The following OSBP2 variants were observed in gnomAD, a reference collection of about 807,000 sequenced individuals.
OSBP2 encodes the protein oxysterol-binding protein 2.
In OSBP2, 66 loss-of-function variants were observed where a neutral mutation model predicts 96.0. The observed-to-expected ratio is 0.69, with a 90% CI of 0.56 to 0.84. The LOEUF is 0.84. Among genes scored for constraint, OSBP2 ranks in the 40% least tolerant of loss-of-function variants. OSBP2 has a pLI of 0.00. For synonymous variants in OSBP2, 525 were observed against 520.9 expected, an observed-to-expected ratio of 1.01 and a Z score of -0.11; for missense variants, 1,038 against 1,222.7, an observed-to-expected ratio of 0.85 and a Z score of 2.25.
intron 1 of OSBP2, among the ~76,000 whole-genome samples, chr22:30,729,412 A>T (rs571727472): frequency 1.3e-5 from 2 of 152,246 alleles, no homozygotes; most frequent in East Asian, 3.9e-4. Context: ...CCAAGGTGGG[A>T]GGATCACCTG....
intron 2 of OSBP2, chr22:30,764,447 G>A (rs1463260628): frequency 7.3e-6 from 7 of 959,454 alleles, no homozygotes; most frequent in Non-Finnish European, 8.7e-6. Context: ...CCACTGAGGT[G>A]GAAATAAATT....
At chr22:30,707,510 C>G (rs1357278656) in intron 1 of OSBP2, among the ~76,000 whole-genome samples, 1 of 151,548 alleles carries the variant, frequency 6.6e-6, no homozygotes, top group Non-Finnish European at 1.5e-5. Flanking sequence ...GTCAGAAGAT[C>G]GAGACCATCC....
intron 1 of OSBP2, among the ~76,000 whole-genome samples, chr22:30,700,697 G>A (rs1266098856): frequency 2.0e-5 from 3 of 151,780 alleles, no homozygotes; most frequent in Non-Finnish European, 4.4e-5. Context: ...ACTGATCTCT[G>A]CTTAGTAAAT....
chr22:30,735,740 CAG>C (rs1274697834), intron 1 of OSBP2, among the ~76,000 whole-genome samples: 3 of 151,808 alleles, frequency 2.0e-5, no homozygotes, highest in Admixed American at 6.6e-5. Context: ...CTTTTAGAGA[CAG>C]AGTCTCATCT....
chr22:30,728,669 T>C (rs534489053), intron 1 of OSBP2, among the ~76,000 whole-genome samples: 3 of 152,178 alleles, frequency 2.0e-5, no homozygotes, highest in Admixed American at 2.0e-4. Flanking sequence ...GCTAACTTTT[T>C]CTTATTTTTA....
chr22:30,873,273 T>G (rs561130491), intron 3 of OSBP2, among the ~76,000 whole-genome samples: 1 of 152,250 alleles, frequency 6.6e-6, no homozygotes, highest in East Asian at 1.9e-4. Context: ...GTGACCTCCT[T>G]GGAGGGTTGC....
chr22:30,789,431 G>T (rs2090642388), intron 2 of OSBP2, among the ~76,000 whole-genome samples: 2 of 152,138 alleles, frequency 1.3e-5, no homozygotes, highest in African/African-American at 4.8e-5. Context: ...GTGGGCTCCG[G>T]TCTGCTTTCT....
At chr22:30,798,226 A>G (rs181608108) in intron 2 of OSBP2, among the ~76,000 whole-genome samples, 124 of 152,260 alleles carry the variant, frequency 8.1e-4, no homozygotes, top group African/African-American at 2.7e-3. Flanking sequence ...CCATTTGTGT[A>G]TCTTCTTTGG....
In OSBP2 at chr22:30,893,073, C is replaced by A. The variant is rs768323237; in HGVS notation, c.1870-49C>A. 8.1e-6 allele frequency: 13 copies of A among 1,604,196 alleles called. No individual in the cohort carries two copies. The East Asian group carries it at 2.9e-4, about 36-fold the overall frequency. ...CCCTCCCTGGCTGGGGCAAGTGGAA[C>A]CTGGGCTCATGTCTGGCAGATGCTC... is the stretch of plus-strand genomic sequence containing the variant. On this transcript the variant is annotated intron_variant, in intron 8 of 13. Transcript: ENST00000332585.
intron 2 of OSBP2, among the ~76,000 whole-genome samples, chr22:30,808,001 G>A (rs913715159): frequency 6.6e-6 from 1 of 151,944 alleles, no homozygotes; most frequent in Non-Finnish European, 1.5e-5. Flanking sequence ...TGTTGCCTAG[G>A]CTGGTCTGGA....
At chr22:30,796,104 C>G (rs1413519637) in intron 2 of OSBP2, among the ~76,000 whole-genome samples, 2 of 152,188 alleles carry the variant, frequency 1.3e-5, no homozygotes, top group African/African-American at 2.4e-5. Flanking sequence ...AGTATTTTCT[C>G]TGATTGCCCT....
chr22:30,893,041 A>C, intron 8 of OSBP2, 81 bp from the exon 9 acceptor site: 1 of 1,547,068 alleles, frequency 6.5e-7, no homozygotes, highest in Non-Finnish European at 8.8e-7. Flanking sequence ...GAGGCAGGGC[A>C]AGCTGTCCCT....
chr22:30,701,564 C>T (rs1330693399), intron 1 of OSBP2, among the ~76,000 whole-genome samples: 7 of 152,134 alleles, frequency 4.6e-5, no homozygotes, highest in South Asian at 4.1e-4. Context: ...AGGATGGTCT[C>T]GATCTCCTGA....
chr22:30,806,843 G>A (rs1041028472), intron 2 of OSBP2, among the ~76,000 whole-genome samples: 6 of 152,146 alleles, frequency 3.9e-5, no homozygotes, highest in Non-Finnish European at 7.3e-5. Flanking sequence ...CAGGATTGCC[G>A]TTCGCAGACT....
chr22:30,769,477 G>A (rs554506312), intron 2 of OSBP2, among the ~76,000 whole-genome samples: 58 of 152,012 alleles, frequency 3.8e-4, no homozygotes, highest in South Asian at 1.2e-3. Context: ...GGCAAAACCC[G>A]GTCTCTACTA....
chr22:30,860,757 G>A (rs2039194470), intron 2 of OSBP2, among the ~76,000 whole-genome samples: 1 of 152,226 alleles, frequency 6.6e-6, no homozygotes, highest in Non-Finnish European at 1.5e-5. Flanking sequence ...CTGGTAGGGT[G>A]GAGGCTGTGG....
Position 30,756,584 on chromosome 22 carries a change from T to C in OSBP2, c.853+15215T>C, listed in dbSNP as rs1296959264. Among the ~76,000 whole-genome samples, 3 of 152,034 alleles carry C rather than the reference T, an allele frequency of 2.0e-5. No individual in the cohort carries two copies. The East Asian group carries it at 5.8e-4, about 29-fold the overall frequency. On this transcript the variant is annotated intron_variant, in intron 2 of 13. Coordinates refer to ENST00000332585, the MANE Select transcript of OSBP2 (RefSeq NM_030758.4). ...GGCGCACGCCTGTAGTCACAGCTAC[T>C]CAGGAGGCTGAGGCAGAAGAATCGT...
chr22:30,823,792 A>G (rs1222091340), intron 2 of OSBP2, among the ~76,000 whole-genome samples: 1 of 152,234 alleles, frequency 6.6e-6, no homozygotes, highest in Non-Finnish European at 1.5e-5. Flanking sequence ...GGAAACTTGC[A>G]AGTAAATTTC....
intron 2 of OSBP2, 110 bp downstream of exon 2, chr22:30,741,479 C>T (rs538173446): frequency 1.3e-5 from 11 of 850,796 alleles, no homozygotes; most frequent in East Asian, 5.3e-5. Flanking sequence ...CCCAGGCCAG[C>T]GTGGATCAAT....
Sources: gnomAD v4.1 joint callset for allele counts (sites outside exome capture counted in the v4.1 genomes callset) on GRCh38, gnomAD v4.1.1 for gene constraint, MANE v1.5 for transcripts, NCBI Gene and HGNC (gene_info 2026-07-23, HGNC 2026-07-21) for gene names.